Variants in NLRP5 observed in about 807,000 individuals in gnomAD.
The protein encoded by NLRP5 is NLR family pyrin domain containing 5.
A neutral mutation model predicts 113.1 loss-of-function variants in NLRP5; 93 were observed. The observed-to-expected ratio is 0.82, with a 90% CI of 0.70 to 0.98. The LOEUF is 0.98. NLRP5 is among the 50% of genes least tolerant of loss of function. NLRP5 has a pLI of 0.00. For synonymous variants in NLRP5, 751 were observed against 600.7 expected (o/e 1.25, Z -3.66); for missense variants, 1,808 against 1,514.3 (o/e 1.19, Z -3.22).
At position 56,053,771 on chromosome 19, in the gene NLRP5, G is replaced by A; in HGVS notation, c.3262G>A (p.Gly1088Arg). 10 of 1,613,914 alleles carry A rather than the reference G, an allele frequency of 6.2e-6. No individual in the cohort carries two copies. Among genetic ancestry groups the A allele is most frequent in the Non-Finnish European group, 8.5e-6 (10 of 1,179,868 alleles). Reference sequence around the variant, plus strand: ...CGGTGGGGTTGCTGCGCTGTGCGAGGGACTGAAGCAAAAGAACAGTGTTCT... The same window carrying A: ...CGGTGGGGTTGCTGCGCTGTGCGAGAGACTGAAGCAAAAGAACAGTGTTCT... Residue 1088 changes from glycine (G) to arginine (R), a missense_variant, in exon 13 of 15, where the codon GGA becomes AGA. By Grantham distance (125) the Gly-to-Arg change is moderately radical. Transcript: ENST00000390649.
Position 56,027,920 on chromosome 19 carries a change from G to T in NLRP5, c.1687G>T (p.Ala563Ser), listed in dbSNP as rs769056940. ...AGGACTCGGGGAGTCTGAGCTCCGTGCTCTGTTTCACATGAACATCCTTCT... is the reference window on the plus strand; with the variant it reads ...AGGACTCGGGGAGTCTGAGCTCCGTTCTCTGTTTCACATGAACATCCTTCT... The change falls in exon 7 of 15, where the codon GCT becomes TCT. Residue 563 changes from alanine to serine, a missense_variant. Coordinates refer to ENST00000390649, the MANE Select transcript of NLRP5 (RefSeq NM_153447.4). The T allele has an allele frequency of 6.2e-7, 1 of 1,613,850 alleles. No homozygotes were observed. The highest frequency in any genetic ancestry group is 8.5e-7 in the Non-Finnish European group (1 of 1,179,834).
chr19:56,002,752 G>T (rs202221958), intron 1 of NLRP5, among the ~76,000 whole-genome samples: 6,905 of 142,334 alleles, frequency 0.049, 239 homozygotes, highest in African/African-American at 0.088. Flanking sequence ...TGCTGAGAAT[G>T]ATGGTTTCCA....
chr19:56,013,922 C>T (rs188480353), intron 3 of NLRP5, among the ~76,000 whole-genome samples: 123 of 152,126 alleles, frequency 8.1e-4, no homozygotes, highest in African/African-American at 2.8e-3. Flanking sequence ...AGAATCTTTT[C>T]GTGTGCTTAT....
At chr19:56,015,846 G>T (rs754596843) in intron 4 of NLRP5, 48 bp downstream of exon 4, 15 of 1,448,958 alleles carry the variant, frequency 1.0e-5, no homozygotes, top group Non-Finnish European at 1.4e-5. Flanking sequence ...GAAGAAAGTT[G>T]GGTGAGAGAA....
At chr19:56,008,905 G>A in intron 3 of NLRP5, 52 bp downstream of exon 3, 2 of 1,508,464 alleles carry the variant, frequency 1.3e-6, no homozygotes, top group Non-Finnish European at 1.8e-6. Flanking sequence ...ACACATGGCA[G>A]CCAGTTTGCA....
Position 56,040,919 on chromosome 19 carries a change from C to G in NLRP5, c.2787-3C>G, listed in dbSNP as rs770782357. On this transcript the variant is annotated splice_region_variant and splice_polypyrimidine_tract_variant and intron_variant, in intron 10 of 14. Coordinates refer to ENST00000390649, the MANE Select transcript of NLRP5 (RefSeq NM_153447.4). Reference sequence around the variant, plus strand: ...TGTCCTCTCTGGGGCTCTCTTCTTGCAGACTGGAGGACTGTGGCATCACAG... The same window carrying G: ...TGTCCTCTCTGGGGCTCTCTTCTTGGAGACTGGAGGACTGTGGCATCACAG... The G allele has an allele frequency of 1.9e-6, 3 of 1,612,670 alleles. No homozygotes were observed. In the South Asian group the frequency reaches 3.3e-5, roughly 18 times the overall value.
At chr19:56,037,031 CTATTCTAA>C (rs1437861969) in intron 9 of NLRP5, among the ~76,000 whole-genome samples, 1 of 152,150 alleles carries the variant, frequency 6.6e-6, no homozygotes, top group Non-Finnish European at 1.5e-5. Context: ...TGTTTCGTGG[CTATTCTAA>C]TATTCTAATC....
At chr19:56,000,496 C>G (rs1388603701) in intron 1 of NLRP5, among the ~76,000 whole-genome samples, 2 of 151,932 alleles carry the variant, frequency 1.3e-5, no homozygotes, top group Admixed American at 6.6e-5. Flanking sequence ...TCCCTAGTAG[C>G]TGGGACTACA....
Position 56,028,016 on chromosome 19 carries a change from T to C in NLRP5, c.1783T>C (p.Tyr595His), listed in dbSNP as rs767512001. ...TCTCCAGGACTTCTGTGCCGCCTTG[T>C]ACTACGTGTTAGAGGGCCTGGAAAT... Residue 595 changes from tyrosine to histidine, a missense_variant, in exon 7 of 15, where the codon TAC (tyrosine) becomes CAC (histidine). Physicochemically the swap from Tyr to His is moderately conservative, Grantham distance 83 (BLOSUM62 2). Coordinates refer to ENST00000390649, the MANE Select transcript of NLRP5 (RefSeq NM_153447.4). 4.3e-6 allele frequency: 7 copies of C among 1,614,018 alleles called. No homozygotes were observed. The highest frequency in any genetic ancestry group is 5.9e-6 in the Non-Finnish European group (7 of 1,179,894).
At chr19:56,032,020 G>A (rs575715514) in intron 7 of NLRP5, among the ~76,000 whole-genome samples, 2 of 151,980 alleles carry the variant, frequency 1.3e-5, no homozygotes, top group African/African-American at 2.4e-5. Flanking sequence ...ACAGTTTTAC[G>A]TTCAAGTGGG....
At position 56,026,965 on chromosome 19, in the gene NLRP5, TGAG is replaced by T. The variant is rs746195254; in HGVS notation, c.741_743del (p.Glu247del). 4 of 1,551,706 alleles carry T rather than the reference TGAG, an allele frequency of 2.6e-6. No homozygotes were observed. The highest frequency in any genetic ancestry group is 4.9e-5 in the East Asian group (2 of 40,922). Reference sequence around the variant, plus strand: ...AGAGTCACGTGATGACCAAATTCGCTGAGGAGGAGGATGTACGTCGTAGTTTTG... The same window carrying T: ...AGAGTCACGTGATGACCAAATTCGCTGAGGAGGATGTACGTCGTAGTTTTG... On this transcript the variant is annotated inframe_deletion, in exon 7 of 15. Coordinates refer to ENST00000390649, the MANE Select transcript of NLRP5 (RefSeq NM_153447.4).
chr19:56,049,666 C>T (rs892274515), intron 11 of NLRP5, among the ~76,000 whole-genome samples: 1 of 152,080 alleles, frequency 6.6e-6, no homozygotes, highest in Non-Finnish European at 1.5e-5. Flanking sequence ...CAGACCATTT[C>T]ACATTTCTAA....
chr19:56,011,835 A>G (rs1276920478), intron 3 of NLRP5, among the ~76,000 whole-genome samples: 1 of 151,262 alleles, frequency 6.6e-6, no homozygotes, highest in Non-Finnish European at 1.5e-5. Flanking sequence ...GGGATTACAC[A>G]CGCGCGCCAC....
At chr19:56,024,197 A>G (rs1184100380) in intron 6 of NLRP5, among the ~76,000 whole-genome samples, 1 of 151,784 alleles carries the variant, frequency 6.6e-6, no homozygotes, top group Non-Finnish European at 1.5e-5. Flanking sequence ...TGTTGAATGC[A>G]TATTCTTAAA....
chr19:55,991,898 C>T, the NLRP5 span, among the ~76,000 whole-genome samples: 1,512 of 151,880 alleles, frequency 1.0e-2, 49 homozygotes, highest in East Asian at 0.063. Context: ...TTTGGGGGTA[C>T]ATGTGAAGGT....
chr19:56,049,002 GACA>G (rs1983830807), intron 11 of NLRP5, among the ~76,000 whole-genome samples: 1 of 53,408 alleles, frequency 1.9e-5, no homozygotes, highest in Non-Finnish European at 3.8e-5. Flanking sequence ...TTTTTTTTGA[GACA>G]GAGTCTTGCT....
intron 11 of NLRP5, among the ~76,000 whole-genome samples, chr19:56,042,144 A>G (rs1490342438): frequency 2.6e-5 from 4 of 152,154 alleles, no homozygotes; most frequent in Non-Finnish European, 5.9e-5. Context: ...AGGACTGAGC[A>G]CTCCCGGTAT....
intron 12 of NLRP5, among the ~76,000 whole-genome samples, chr19:56,051,658 T>C (rs977233677): frequency 1.8e-4 from 27 of 152,206 alleles, no homozygotes; most frequent in African/African-American, 6.0e-4. Flanking sequence ...GATATGTCTA[T>C]TATAATAAAT....
At chr19:56,014,353 T>C (rs73068166) in intron 3 of NLRP5, among the ~76,000 whole-genome samples, 1 of 151,678 alleles carries the variant, frequency 6.6e-6, no homozygotes, top group Admixed American at 6.6e-5. Flanking sequence ...GGTGGCGCTT[T>C]CCTGTAGTCC....
Sources: gnomAD v4.1 joint callset for allele counts (sites outside exome capture counted in the v4.1 genomes callset) on GRCh38, gnomAD v4.1.1 for gene constraint, MANE v1.5 for transcripts, NCBI Gene and HGNC (gene_info 2026-07-23, HGNC 2026-07-21) for gene names.